The following CDK19 variants were observed in gnomAD, a reference collection of about 807,000 sequenced individuals.
The protein encoded by CDK19 is cyclin dependent kinase 19, also known as cyclin-dependent kinase 19.
Under a neutral mutation model 68.3 loss-of-function variants are expected in CDK19, and 20 were observed. The ratio of observed to expected loss-of-function variants is 0.29; its 90% confidence interval spans 0.21 to 0.43. The LOEUF (loss-of-function observed/expected upper bound fraction) is 0.43, where lower values mean the gene tolerates loss of function less well. Ranked by LOEUF, CDK19 falls within the 20% of genes least tolerant of loss-of-function variation. The pLI, the probability that CDK19 is intolerant of heterozygous loss-of-function variation, is 1.00. For missense variants in CDK19, 339 were observed against 623.5 expected, an observed-to-expected ratio of 0.54 and a Z score of 4.86; for synonymous variants, 221 against 222.8, an observed-to-expected ratio of 0.99 and a Z score of 0.07.
chr6:110,814,981 A>G (rs756506779), intron 1 of CDK19, 28 bp downstream of exon 1: 1 of 1,599,126 alleles, frequency 6.3e-7, no homozygotes, highest in South Asian at 1.1e-5. Context: ...GACCCGAGCG[A>G]GCCTACTCCT....
chr6:110,735,547 A>T (rs768413467), intron 2 of CDK19, among the ~76,000 whole-genome samples: 8 of 152,228 alleles, frequency 5.3e-5, no homozygotes, highest in Admixed American at 3.3e-4. Context: ...CCCATTTTAG[A>T]CATGAAGAAA....
At chr6:110,772,912 G>C (rs1482932040) in intron 1 of CDK19, among the ~76,000 whole-genome samples, 1 of 149,884 alleles carries the variant, frequency 6.7e-6, no homozygotes, top group Non-Finnish European at 1.5e-5. Context: ...AAAAAAGAGA[G>C]ACTCATTAAG....
At chr6:110,631,915 T>C (rs1779462454) in intron 6 of CDK19, 115 bp downstream of exon 6, 10 of 894,862 alleles carry the variant, frequency 1.1e-5, no homozygotes, top group South Asian at 3.0e-5. Context: ...CAGAAGACAA[T>C]AGGACTTTTA....
chr6:110,671,291 T>C (rs907568369), intron 2 of CDK19, among the ~76,000 whole-genome samples: 2 of 152,154 alleles, frequency 1.3e-5, no homozygotes, highest in Non-Finnish European at 2.9e-5. Context: ...GATAAAATAT[T>C]TAGCAACAAT....
chr6:110,702,504 T>C (rs1390890903), intron 2 of CDK19, among the ~76,000 whole-genome samples: 3 of 152,048 alleles, frequency 2.0e-5, no homozygotes, highest in Non-Finnish European at 4.4e-5. Context: ...CATGTACCTG[T>C]AGTCCTAGTT....
intron 2 of CDK19, among the ~76,000 whole-genome samples, chr6:110,673,339 C>G (rs1395425221): frequency 6.6e-6 from 1 of 151,992 alleles, no homozygotes; most frequent in Non-Finnish European, 1.5e-5. Flanking sequence ...TTCGTTTGTC[C>G]ATTTGCCCCT....
At chr6:110,668,512 G>A (rs940405993) in intron 3 of CDK19, among the ~76,000 whole-genome samples, 2 of 152,142 alleles carry the variant, frequency 1.3e-5, no homozygotes, top group Non-Finnish European at 2.9e-5. Context: ...GGAGCCACAT[G>A]TATAACTTTC....
chr6:110,762,689 C>T (rs376752841), intron 1 of CDK19, among the ~76,000 whole-genome samples: 1 of 152,150 alleles, frequency 6.6e-6, no homozygotes, highest in East Asian at 1.9e-4. Flanking sequence ...GTTCCTCCAA[C>T]AAAATTGTAA....
At chr6:110,673,128 T>C (rs1771158297) in intron 2 of CDK19, among the ~76,000 whole-genome samples, 1 of 152,104 alleles carries the variant, frequency 6.6e-6, no homozygotes, top group Non-Finnish European at 1.5e-5. Flanking sequence ...CTGATAACCA[T>C]TATCTAATTT....
At chr6:110,685,890 G>T (rs1417944158) in intron 2 of CDK19, among the ~76,000 whole-genome samples, 1 of 152,150 alleles carries the variant, frequency 6.6e-6, no homozygotes, top group Admixed American at 6.5e-5. Context: ...GCTTTCCCCT[G>T]CAAAAGGGAG....
Position 110,613,944 on chromosome 6 carries a change from GCTTGT to G in CDK19, c.*586_*590del, listed in dbSNP as rs1778154794. ...GGTTGTAGGTTCCCTCTGTCCCACC[GCTTGT>G]CTTTTTATTAGACCTTCCCTGAAAC... On this transcript the variant is annotated 3_prime_UTR_variant, in exon 13 of 13. Coordinates refer to ENST00000368911, the MANE Select transcript of CDK19 (RefSeq NM_015076.5). 6.6e-6 allele frequency: 1 copy of G among 152,520 alleles called. No individual in the cohort carries two copies. The allele number at this position is 152,520 out of a possible 1,614,324, so 9.4% of individuals were successfully genotyped here.
chr6:110,755,734 T>C (rs1212253947), intron 1 of CDK19, among the ~76,000 whole-genome samples: 1 of 152,144 alleles, frequency 6.6e-6, no homozygotes, highest in East Asian at 1.9e-4. Context: ...TGCTGAAAAC[T>C]TGGCACTTTT....
chr6:110,718,496 T>G (rs541356438), intron 2 of CDK19, among the ~76,000 whole-genome samples: 1 of 152,074 alleles, frequency 6.6e-6, no homozygotes, highest in Non-Finnish European at 1.5e-5. Flanking sequence ...GTGTATAGTG[T>G]GTAGAACAAA....
intron 5 of CDK19, among the ~76,000 whole-genome samples, chr6:110,634,622 G>A (rs1005663892): frequency 6.6e-6 from 1 of 152,220 alleles, no homozygotes; most frequent in African/African-American, 2.4e-5. Context: ...AAGGAAGCCT[G>A]TGCTGATACC....
At chr6:110,804,581 C>T (rs905064949) in intron 1 of CDK19, among the ~76,000 whole-genome samples, 3 of 151,086 alleles carry the variant, frequency 2.0e-5, no homozygotes, top group African/African-American at 4.9e-5. Context: ...GAACTGACCT[C>T]GTGATCCGCC....
intron 1 of CDK19, among the ~76,000 whole-genome samples, chr6:110,780,483 TA>T (rs761377548): frequency 9.3e-4 from 132 of 141,466 alleles, no homozygotes; most frequent in Non-Finnish European, 1.6e-3. Context: ...CATCAGAATT[TA>T]TTTTTTTTTA....
At chr6:110,780,612 C>T (rs77998871) in intron 1 of CDK19, among the ~76,000 whole-genome samples, 2 of 151,990 alleles carry the variant, frequency 1.3e-5, no homozygotes, top group East Asian at 3.9e-4. Context: ...TACGGTTGTT[C>T]AGCTGTTCAA....
chr6:110,617,886 G>C (rs79119468), intron 12 of CDK19, among the ~76,000 whole-genome samples: 2 of 78,062 alleles, frequency 2.6e-5, no homozygotes, highest in East Asian at 9.3e-4. Flanking sequence ...AAAAAAAAAA[G>C]ACTACATGAA....
intron 2 of CDK19, among the ~76,000 whole-genome samples, chr6:110,741,839 G>T (rs923176003): frequency 6.6e-6 from 1 of 152,206 alleles, no homozygotes; most frequent in African/African-American, 2.4e-5. Flanking sequence ...GAAGAGCTGG[G>T]TAAGACAGAA....
Sources: gnomAD v4.1 joint callset for allele counts (sites outside exome capture counted in the v4.1 genomes callset) on GRCh38, gnomAD v4.1.1 for gene constraint, MANE v1.5 for transcripts, NCBI Gene and HGNC (gene_info 2026-07-23, HGNC 2026-07-21) for gene names.